The following SPATA16 variants were observed in gnomAD, a reference collection of about 807,000 sequenced individuals.
SPATA16 encodes spermatogenesis-associated protein 16.
A neutral mutation model predicts 63.3 loss-of-function variants in SPATA16; 36 were observed. The ratio of observed to expected loss-of-function variants is 0.57; its 90% CI spans 0.44 to 0.75. SPATA16 has a LOEUF of 0.75. SPATA16 is among the 30% of genes least tolerant of loss of function. SPATA16 has a pLI of 0.00. For synonymous variants in SPATA16, 203 were observed against 216.7 expected (o/e 0.94, Z 0.56); for missense variants, 646 against 679.3 (o/e 0.95, Z 0.54).
At chr3:173,114,942 C>T (rs1396112264) in intron 2 of SPATA16, among the ~76,000 whole-genome samples, 3 of 152,094 alleles carry the variant, frequency 2.0e-5, no homozygotes, top group Admixed American at 2.0e-4. Context: ...AGTTAACTCC[C>T]TAGATAATTA....
At chr3:172,998,179 C>T (rs1338347784) in intron 4 of SPATA16, among the ~76,000 whole-genome samples, 1 of 151,944 alleles carries the variant, frequency 6.6e-6, no homozygotes, top group African/African-American at 2.4e-5. Context: ...ACATGGAGTA[C>T]CTCTCATTTA....
At chr3:173,120,087 C>CAAAAA (rs530094750) in intron 1 of SPATA16, among the ~76,000 whole-genome samples, 1 of 122,704 alleles carries the variant, frequency 8.1e-6, no homozygotes, top group African/African-American at 2.8e-5. Context: ...AACTCCATCT[C>CAAAAA]AAAAAAAAAA....
At chr3:172,944,637 C>A (rs1733237866) in intron 6 of SPATA16, among the ~76,000 whole-genome samples, 1 of 152,114 alleles carries the variant, frequency 6.6e-6, no homozygotes, top group Non-Finnish European at 1.5e-5. Context: ...TATACACATA[C>A]AATGGAATAT....
intron 3 of SPATA16, among the ~76,000 whole-genome samples, chr3:173,045,643 G>T (rs371923746): frequency 1.3e-5 from 2 of 152,158 alleles, no homozygotes; most frequent in East Asian, 3.9e-4. Flanking sequence ...CATTCTAGAC[G>T]TTGTGGTCTG....
At chr3:172,949,577 A>G (rs1308911575) in intron 6 of SPATA16, among the ~76,000 whole-genome samples, 2 of 152,202 alleles carry the variant, frequency 1.3e-5, no homozygotes, top group Admixed American at 6.5e-5. Flanking sequence ...ATGATTAACT[A>G]TATTGTTGAC....
intron 2 of SPATA16, among the ~76,000 whole-genome samples, chr3:173,068,901 G>C (rs1478653958): frequency 6.6e-6 from 1 of 150,882 alleles, no homozygotes; most frequent in Non-Finnish European, 1.5e-5. Flanking sequence ...ACGAGGTCAG[G>C]AGATCGAGAC....
chr3:172,967,597 A>G (rs1733944849), intron 5 of SPATA16, among the ~76,000 whole-genome samples: 1 of 152,204 alleles, frequency 6.6e-6, no homozygotes, highest in Non-Finnish European at 1.5e-5. Flanking sequence ...CCAGGCCACA[A>G]AGCAGGAGGT....
chr3:172,978,161 C>CTA (rs56787481), intron 4 of SPATA16, among the ~76,000 whole-genome samples: 5,384 of 147,218 alleles, frequency 0.037, 216 homozygotes, highest in East Asian at 0.1. Flanking sequence ...CTCTCTCTCT[C>CTA]TATATATATA....
chr3:173,022,601 T>C (rs1278580837), intron 3 of SPATA16, among the ~76,000 whole-genome samples: 1 of 152,146 alleles, frequency 6.6e-6, no homozygotes, highest in Non-Finnish European at 1.5e-5. Flanking sequence ...CTTTTAAAGA[T>C]ATATTTTATG....
At chr3:173,087,881 C>T (rs184302595) in intron 2 of SPATA16, among the ~76,000 whole-genome samples, 39 of 152,186 alleles carry the variant, frequency 2.6e-4, no homozygotes, top group Middle Eastern at 3.4e-3. Context: ...AGGGTTTCCA[C>T]GGAGAGGTCT....
At chr3:173,078,019 A>T (rs142892699) in intron 2 of SPATA16, among the ~76,000 whole-genome samples, 5,286 of 152,286 alleles carry the variant, frequency 0.035, 117 homozygotes, top group African/African-American at 0.049. Flanking sequence ...TATAATATAA[A>T]CAATATTTTA....
In SPATA16 at chr3:173,088,007, C is replaced by CATCTTTCTTTCT. The variant is rs1553801607; in HGVS notation, c.612+29112_612+29113insAGAAAGAAAGAT. On this transcript the variant is annotated intron_variant, in intron 2 of 10. Coordinates refer to ENST00000351008, the MANE Select transcript of SPATA16 (RefSeq NM_031955.6). ...AATCTGATGATTAGCATTTTCTTTC[C>CATCTTTCTTTCT]GTCTTTCTTTCTTTCTTTCTTTCTT... Among the ~76,000 whole-genome samples, 350 of 118,370 alleles carry CATCTTTCTTTCT rather than the reference C, an allele frequency of 3.0e-3. 22 individuals carry two copies. Among genetic ancestry groups the CATCTTTCTTTCT allele is most frequent in the African/African-American group, 6.1e-3 (173 of 28,566 alleles). 77.7% of individuals were successfully genotyped at this position (118,370 alleles called of 152,430 possible).
chr3:173,049,287 TTAAA>T (rs1201124743), intron 2 of SPATA16, among the ~76,000 whole-genome samples, 193 bp from the exon 3 acceptor site: 1 of 152,136 alleles, frequency 6.6e-6, no homozygotes, highest in Non-Finnish European at 1.5e-5. Context: ...TGATTATAAA[TTAAA>T]TAAATTGTTC....
intron 4 of SPATA16, among the ~76,000 whole-genome samples, chr3:172,977,943 T>C (rs1734203512): frequency 1.3e-5 from 2 of 152,174 alleles, no homozygotes; most frequent in South Asian, 4.1e-4. Flanking sequence ...CTTGACATCA[T>C]TGTAAATTGA....
chr3:173,003,946 T>C (rs573007602), intron 4 of SPATA16, among the ~76,000 whole-genome samples: 37 of 152,196 alleles, frequency 2.4e-4, no homozygotes, highest in Non-Finnish European at 4.8e-4. Flanking sequence ...AAATTGAAAG[T>C]CAAAGAGCTT....
In SPATA16 at chr3:173,008,915, T is replaced by A. The variant is rs189693396; in HGVS notation, c.848+10571A>T. Among the ~76,000 whole-genome samples, 24 of 152,346 alleles carry A rather than the reference T, an allele frequency of 1.6e-4. No homozygotes were observed. The East Asian group carries it at 4.2e-3, about 27-fold the overall frequency. ...TGCTAAAATAAAAAATTGCTAAATGTACATAGGAAAATGTACTATATCAGT... is the reference window on the plus strand; with the variant it reads ...TGCTAAAATAAAAAATTGCTAAATGAACATAGGAAAATGTACTATATCAGT... On this transcript the variant is annotated intron_variant, in intron 4 of 10. Coordinates refer to ENST00000351008, the MANE Select transcript of SPATA16 (RefSeq NM_031955.6).
chr3:173,032,947 A>G (rs767450869), intron 3 of SPATA16, among the ~76,000 whole-genome samples: 15 of 151,228 alleles, frequency 9.9e-5, no homozygotes, highest in Non-Finnish European at 1.9e-4. Context: ...GAACCTAATC[A>G]TATCTAAGGT....
intron 2 of SPATA16, among the ~76,000 whole-genome samples, chr3:173,084,858 T>C (rs1737009269): frequency 6.6e-6 from 1 of 152,192 alleles, no homozygotes; most frequent in African/African-American, 2.4e-5. Context: ...GAGTTCTCTA[T>C]TCTGCTCCAT....
chr3:172,999,241 A>G (rs1040678492), intron 4 of SPATA16, among the ~76,000 whole-genome samples: 4 of 152,078 alleles, frequency 2.6e-5, no homozygotes, highest in Admixed American at 2.0e-4. Context: ...GCCTATTCAG[A>G]TTGTCTATTT....
Sources: gnomAD v4.1 joint callset for allele counts (sites outside exome capture counted in the v4.1 genomes callset) on GRCh38, gnomAD v4.1.1 for gene constraint, MANE v1.5 for transcripts, NCBI Gene and HGNC (gene_info 2026-07-23, HGNC 2026-07-21) for gene names.